The following CLIC2 variants were observed in gnomAD, a reference collection of about 807,000 sequenced individuals.
CLIC2 encodes the protein chloride intracellular channel protein 2.
Under a neutral mutation model 14.8 loss-of-function variants are expected in CLIC2, and 9 were observed. The ratio of observed to expected loss-of-function variants is 0.61; its 90% CI spans 0.37 to 1.06. The LOEUF (loss-of-function observed/expected upper bound fraction) is 1.06. CLIC2 is among the 50% of genes least tolerant of loss of function. The probability of loss-of-function intolerance (pLI) is 0.01; values close to 1 mark genes in which losing one functional copy is unlikely to be tolerated. For synonymous variants in CLIC2, 61 were observed against 66.3 expected, an observed-to-expected ratio of 0.92 and a Z score of 0.39; for missense variants, 148 against 181.4, an observed-to-expected ratio of 0.82 and a Z score of 1.06.
At chrX:155,312,032 G>A (rs2075076240) in intron 1 of CLIC2, among the ~76,000 whole-genome samples, 1 of 111,599 alleles carries the variant, frequency 9.0e-6, no homozygotes, top group Non-Finnish European at 1.9e-5. Flanking sequence ...CAAACCATAT[G>A]ATTATTGTTG....
At chrX:155,311,076 C>T (rs1266305800) in intron 1 of CLIC2, among the ~76,000 whole-genome samples, 5 of 112,028 alleles carry the variant, frequency 4.5e-5, no homozygotes, top group Admixed American at 3.8e-4. Context: ...AAGTCTCTGA[C>T]ATGCCCTGGA....
chrX:155,297,868 A>AC lies in CLIC2; in HGVS notation c.293+916_293+917insG, dbSNP rs2074999190. 2.3e-5 allele frequency among the ~76,000 whole-genome samples: 2 copies of AC among 88,604 alleles called. 1 individual carries two copies. The highest frequency in any genetic ancestry group is 7.2e-4 in the East Asian group (2 of 2,780). 76.9% of individuals were successfully genotyped at this position (88,604 alleles called of 115,157 possible). A position where few individuals can be genotyped will look rare whatever the true frequency, so the allele number is the denominator to read the frequency against. On this transcript the variant is annotated intron_variant, in intron 3 of 5. Transcript: ENST00000369449. ...GAGCGAGACTCCGGTCTCAAAAAAA[A>AC]AAAAAAAAAAAAAAAAAAGAAGGTG...
rs375927398 is a variant in CLIC2, at chrX:155,292,626, C to A, written c.293+6159G>T. ...TCTACTAAAAATACAAAAAATTAGC[C>A]GGGCGTGGTGGCGGGCGCCTGTAGT... On this transcript the variant is annotated intron_variant, in intron 3 of 5. Transcript: ENST00000369449. 5.1e-5 allele frequency: 12 copies of A among 237,086 alleles called. No homozygotes were observed. The Admixed American group carries it at 6.2e-4, about 12-fold the overall frequency. 19.5% of individuals were successfully genotyped at this position (237,086 alleles called of 1,213,427 possible).
chrX:155,325,987 C>A (rs782324547), intron 1 of CLIC2, among the ~76,000 whole-genome samples: 39 of 105,904 alleles, frequency 3.7e-4, no homozygotes, highest in Non-Finnish European at 7.2e-4. Context: ...GACGCAAAGG[C>A]ATAAGAATGA....
rs1557315828 is a variant in CLIC2, at chrX:155,276,946, A to G, written c.*957T>C. 1 of 112,033 alleles carries G rather than the reference A, an allele frequency of 8.9e-6. No homozygotes were observed. The highest frequency in any genetic ancestry group is 1.9e-5 in the Non-Finnish European group (1 of 53,128). 9.2% of individuals were successfully genotyped at this position (112,033 alleles called of 1,213,427 possible). A position where few individuals can be genotyped will look rare whatever the true frequency, so the allele number is the denominator to read the frequency against. The stretch of plus-strand genomic sequence containing the variant: ...ACTCCACCCTTCCACCAAAGCCTAA[A>G]ATATTTTCCTTTTTTGAAGCTGCAC... On this transcript the variant is annotated 3_prime_UTR_variant, in exon 6 of 6. Transcript: ENST00000369449.
chrX:155,304,834 C>G (rs1215472559), intron 1 of CLIC2, among the ~76,000 whole-genome samples: 1 of 82,733 alleles, frequency 1.2e-5, no homozygotes, highest in African/African-American at 3.8e-5. Context: ...TTGGAGTACC[C>G]TGCCGTGTGA....
intron 1 of CLIC2, among the ~76,000 whole-genome samples, chrX:155,314,512 C>A (rs1008425540): frequency 2.7e-5 from 3 of 111,832 alleles, no homozygotes; most frequent in African/African-American, 9.8e-5. Flanking sequence ...TCTCAGGAAG[C>A]CCGAATTCTA....
intron 5 of CLIC2, 79 bp downstream of exon 5, chrX:155,279,070 G>T: frequency 2.7e-6 from 2 of 737,952 alleles, no homozygotes; most frequent in South Asian, 2.1e-5. Context: ...TAATAATACC[G>T]CACTGGAAGG....
chrX:155,310,518 G>A (rs189980470), intron 1 of CLIC2: 4 of 204,640 alleles, frequency 2.0e-5, no homozygotes, highest in Middle Eastern at 1.7e-3. Context: ...GGCTTTGCAG[G>A]GTACAGCCTC....
Position 155,279,239 on chromosome X carries a change from C to T in CLIC2, c.492G>A (p.Glu164=). ...LLDEIDPDSA[E]EPPVSRRLFL... Reference sequence around the variant, plus strand: ...ATAGTCTTCTGGAAACTGGGGGTTCCTCAGCACTGTCTGGATCAATTTCAT... The same window carrying T: ...ATAGTCTTCTGGAAACTGGGGGTTCTTCAGCACTGTCTGGATCAATTTCAT... The change falls in exon 5 of 6, where the codon GAG becomes GAA. Residue 164 remains glutamate (E), a synonymous_variant. Transcript: ENST00000369449. The T allele has an allele frequency of 8.3e-7, 1 of 1,208,737 alleles. No homozygotes were observed. Among genetic ancestry groups the T allele is most frequent in the Non-Finnish European group, 1.1e-6 (1 of 892,758 alleles).
At chrX:155,302,069 G>T (rs1410437519) in intron 1 of CLIC2, among the ~76,000 whole-genome samples, 1 of 103,811 alleles carries the variant, frequency 9.6e-6, no homozygotes, top group Non-Finnish European at 2.0e-5. Flanking sequence ...GCCTGGCTTT[G>T]GTATCAGAAT....
rs2091460160 is a variant in CLIC2 at position 155,292,207 on chromosome X, C to T, written c.293+6578G>A. Reference sequence around the variant, plus strand: ...AAGTCAGTTAATATTTGGGTGTGACCTCCTTTAAAAGGAAATATCCAGATT... The same window carrying T: ...AAGTCAGTTAATATTTGGGTGTGACTTCCTTTAAAAGGAAATATCCAGATT... On this transcript the variant is annotated intron_variant, in intron 3 of 5. Transcript: ENST00000369449. 8 of 566,178 alleles carry T rather than the reference C, an allele frequency of 1.4e-5. No homozygotes were observed. The Admixed American group carries it at 1.8e-4, about 13-fold the overall frequency. 46.7% of individuals were successfully genotyped at this position (566,178 alleles called of 1,213,427 possible).
chrX:155,281,214 G>C (rs973507429), intron 3 of CLIC2, among the ~76,000 whole-genome samples: 44 of 108,621 alleles, frequency 4.1e-4, no homozygotes, highest in African/African-American at 1.4e-3. Context: ...GGGGCAGTGG[G>C]GGGAGGAAAG....
intron 1 of CLIC2, among the ~76,000 whole-genome samples, chrX:155,315,235 T>C (rs1263337306): frequency 8.9e-6 from 1 of 111,939 alleles, no homozygotes; most frequent in African/African-American, 3.2e-5. Context: ...TATCTAGGCA[T>C]CCAAATAAAA....
At chrX:155,285,907 C>T (rs782492125) in intron 3 of CLIC2, among the ~76,000 whole-genome samples, 14 of 108,906 alleles carry the variant, frequency 1.3e-4, no homozygotes, top group Non-Finnish European at 2.1e-4. Flanking sequence ...GGAAGAAACT[C>T]CCCCATACCG....
chrX:155,291,450 G>A (rs1180026675), intron 3 of CLIC2: 3 of 435,446 alleles, frequency 6.9e-6, no homozygotes, highest in Admixed American at 3.5e-5. Flanking sequence ...ATGGAATCAT[G>A]TCGTCTGCAA....
chrX:155,300,579 G>T (rs1296468838), intron 1 of CLIC2, among the ~76,000 whole-genome samples: 13 of 110,994 alleles, frequency 1.2e-4, no homozygotes, highest in East Asian at 5.7e-4. Flanking sequence ...CTCTTTAGTT[G>T]AATTAGATCC....
intron 3 of CLIC2, among the ~76,000 whole-genome samples, chrX:155,281,986 G>A (rs782255072): frequency 8.0e-4 from 89 of 110,644 alleles, no homozygotes; most frequent in African/African-American, 2.7e-3. Flanking sequence ...TCATCTTACC[G>A]AGTCACAGCC....
chrX:155,293,029 A>G, intron 3 of CLIC2: 1 of 668,829 alleles, frequency 1.5e-6, no homozygotes, highest in Non-Finnish European at 2.5e-6. Context: ...GCCATTAAAC[A>G]CAGCCCTGTA....
Sources: gnomAD v4.1 joint callset for allele counts (sites outside exome capture counted in the v4.1 genomes callset) on GRCh38, gnomAD v4.1.1 for gene constraint, MANE v1.5 for transcripts, NCBI Gene and HGNC (gene_info 2026-07-23, HGNC 2026-07-21) for gene names.